PCCA: variants seen among roughly 807,000 people sequenced by gnomAD.
The protein encoded by PCCA is propionyl-CoA carboxylase alpha chain, mitochondrial.
A neutral mutation model predicts 101.3 loss-of-function variants in PCCA; 74 were observed. The ratio of observed to expected loss-of-function variants is 0.73; its 90% CI spans 0.61 to 0.89. PCCA has a LOEUF of 0.89. Ranked by LOEUF, PCCA falls within the 40% of genes least tolerant of loss-of-function variation. The probability of loss-of-function intolerance (pLI) is 0.00; values close to 1 mark genes in which losing one functional copy is unlikely to be tolerated. For synonymous variants in PCCA, 294 were observed against 313.6 expected (o/e 0.94, Z 0.66); for missense variants, 891 against 907.0 (o/e 0.98, Z 0.23).
chr13:100,346,526 T>C (rs762654866), intron 18 of PCCA, among the ~76,000 whole-genome samples: 3 of 152,236 alleles, frequency 2.0e-5, no homozygotes, highest in Non-Finnish European at 4.4e-5. Context: ...TAAGATGGAC[T>C]CTGCTTCTGG....
chr13:100,512,546 C>T (rs991546016), intron 21 of PCCA, among the ~76,000 whole-genome samples: 6 of 152,174 alleles, frequency 3.9e-5, no homozygotes, highest in African/African-American at 7.2e-5. Flanking sequence ...TGAAGTTCCA[C>T]GCACTGACCA....
At chr13:100,325,689 T>C (rs964822382) in intron 16 of PCCA, among the ~76,000 whole-genome samples, 3 of 152,194 alleles carry the variant, frequency 2.0e-5, no homozygotes, top group African/African-American at 7.2e-5. Context: ...GCTGCTCATC[T>C]CCTAGCCTTG....
chr13:100,101,802 C>G (rs1431224528), intron 1 of PCCA, among the ~76,000 whole-genome samples: 1 of 151,964 alleles, frequency 6.6e-6, no homozygotes, highest in Non-Finnish European at 1.5e-5. Flanking sequence ...GGGATTTCGC[C>G]ATTTTGGCCA....
In PCCA at chr13:100,307,176, TC is replaced by T. The variant is rs759817284; in HGVS notation, c.1285-15del. 2 of 1,593,526 alleles carry T rather than the reference TC, an allele frequency of 1.3e-6. No individual in the cohort carries two copies. The highest frequency in any genetic ancestry group is 1.7e-6 in the Non-Finnish European group (2 of 1,164,274). On this transcript the variant is annotated splice_polypyrimidine_tract_variant and intron_variant, in intron 14 of 23. Transcript: ENST00000376285. ...ACAATATGAATTACTTTTCTTTTTT[TC>T]TTTTTTTCTCCCAGGTCCGAGTGGA...
chr13:100,350,505 T>C (rs2073137804), intron 18 of PCCA, among the ~76,000 whole-genome samples: 1 of 152,240 alleles, frequency 6.6e-6, no homozygotes, highest in Non-Finnish European at 1.5e-5. Flanking sequence ...TACTTTTTAC[T>C]GTCTCTGTTA....
intron 2 of PCCA, among the ~76,000 whole-genome samples, chr13:100,110,871 G>T (rs906042414): frequency 6.6e-6 from 1 of 152,034 alleles, no homozygotes; most frequent in African/African-American, 2.4e-5. Flanking sequence ...GCAGTGGCAC[G>T]ATTTTAGCTC....
chr13:100,423,360 TCTC>T (rs2078949077), intron 19 of PCCA, among the ~76,000 whole-genome samples: 1 of 152,158 alleles, frequency 6.6e-6, no homozygotes, highest in Non-Finnish European at 1.5e-5. Flanking sequence ...ATTCTCTACT[TCTC>T]CTTTGGCCTA....
chr13:100,315,414 G>T (rs2067259250), intron 16 of PCCA, among the ~76,000 whole-genome samples: 1 of 152,068 alleles, frequency 6.6e-6, no homozygotes, highest in African/African-American at 2.4e-5. Context: ...TACTCATCTG[G>T]CTAATTCTGA....
chr13:100,490,944 A>G (rs982294139), intron 21 of PCCA: 1 of 152,270 alleles, frequency 6.6e-6, no homozygotes, highest in African/African-American at 2.4e-5. Context: ...GTGAGCTTCA[A>G]AATCACCTGC....
chr13:100,285,547 G>A (rs892426425), intron 12 of PCCA, among the ~76,000 whole-genome samples: 1 of 152,128 alleles, frequency 6.6e-6, no homozygotes, highest in Non-Finnish European at 1.5e-5. Context: ...TACAAGGAAA[G>A]GATCTCACTG....
chr13:100,167,146 G>C (rs1287159304), intron 6 of PCCA, among the ~76,000 whole-genome samples: 1 of 152,116 alleles, frequency 6.6e-6, no homozygotes, highest in East Asian at 1.9e-4. Context: ...CCATGATGTG[G>C]TTCTGTTTTC....
At chr13:100,189,985 G>C (rs2057626408) in intron 6 of PCCA, among the ~76,000 whole-genome samples, 1 of 152,118 alleles carries the variant, frequency 6.6e-6, no homozygotes, top group Admixed American at 6.5e-5. Flanking sequence ...TTTTGTTATT[G>C]GTAATATAAA....
At chr13:100,264,491 G>A (rs1265330131) in intron 10 of PCCA, among the ~76,000 whole-genome samples, 2 of 152,066 alleles carry the variant, frequency 1.3e-5, no homozygotes, top group Admixed American at 6.6e-5. Context: ...ATGAAATCCA[G>A]TGATATAGTC....
chr13:100,274,697 G>C (rs1262290509), intron 12 of PCCA, among the ~76,000 whole-genome samples: 1 of 151,992 alleles, frequency 6.6e-6, no homozygotes, highest in Non-Finnish European at 1.5e-5. Context: ...CTGTGCCCAG[G>C]GTTCCCGTTT....
intron 4 of PCCA, among the ~76,000 whole-genome samples, chr13:100,123,705 C>G (rs1412674745): frequency 1.3e-5 from 2 of 151,866 alleles, no homozygotes; most frequent in African/African-American, 4.8e-5. Flanking sequence ...TGGGGAGTAG[C>G]CTAACATATT....
chr13:100,324,847 A>G (rs1020682797), intron 16 of PCCA, among the ~76,000 whole-genome samples: 1 of 152,196 alleles, frequency 6.6e-6, no homozygotes, highest in Non-Finnish European at 1.5e-5. Context: ...AGTAAATTGC[A>G]TATGGCAGTA....
intron 21 of PCCA, among the ~76,000 whole-genome samples, chr13:100,452,333 A>C (rs539910873): frequency 5.6e-4 from 85 of 151,860 alleles, no homozygotes; most frequent in African/African-American, 2.0e-3. Context: ...GGAGGATGGC[A>C]GTAGCTGGCG....
At chr13:100,173,338 G>C (rs1274230761) in intron 6 of PCCA, among the ~76,000 whole-genome samples, 1 of 152,170 alleles carries the variant, frequency 6.6e-6, no homozygotes, top group Non-Finnish European at 1.5e-5. Context: ...CTCTGGCTGG[G>C]ATGGTTTTAG....
intron 7 of PCCA, 24 bp from the exon 8 acceptor site, chr13:100,235,818 G>T (rs747170773): frequency 7.0e-6 from 11 of 1,573,782 alleles, no homozygotes; most frequent in Non-Finnish European, 9.6e-6. Context: ...GATTAATGTT[G>T]AGTCTCATTT....
Sources: allele counts gnomAD v4.1 joint callset (sites outside exome capture counted in the v4.1 genomes callset), GRCh38; gene constraint gnomAD v4.1.1; transcripts MANE v1.5; gene names NCBI Gene and HGNC (gene_info 2026-07-23, HGNC 2026-07-21).